The following LRRC8C variants were observed in gnomAD, a reference collection of about 807,000 sequenced individuals.
LRRC8C encodes the protein leucine rich repeat containing 8 VRAC subunit C.
Under a neutral mutation model 55.3 loss-of-function variants are expected in LRRC8C, and 20 were observed. The ratio of observed to expected loss-of-function variants is 0.36; its 90% CI spans 0.25 to 0.53. The LOEUF (loss-of-function observed/expected upper bound fraction) is 0.53. LRRC8C is among the 20% of genes least tolerant of loss of function. The pLI, the probability that LRRC8C is intolerant of heterozygous loss-of-function variation, is 0.92. For synonymous variants in LRRC8C, 376 were observed against 360.7 expected (o/e 1.04, Z -0.48); for missense variants, 659 against 951.4 (o/e 0.69, Z 4.04).
intron 1 of LRRC8C, among the ~76,000 whole-genome samples, chr1:89,651,180 A>G (rs1189499073): frequency 2.0e-5 from 3 of 152,200 alleles, no homozygotes; most frequent in Non-Finnish European, 4.4e-5. Context: ...GCTGTGGCCC[A>G]TGCATTTTGA....
Position 89,714,461 on chromosome 1 carries a change from G to A in LRRC8C, c.1891G>A (p.Val631Ile), listed in dbSNP as rs369412861. 9.2e-5 allele frequency: 148 copies of A among 1,614,002 alleles called. 1 individual carries two copies. The highest frequency in any genetic ancestry group is 5.7e-4 in the Admixed American group (34 of 59,998). Reference protein sequence around the residue: ...ENNLKSIEEIVSFQHLRKLTV... With the variant: ...ENNLKSIEEIISFQHLRKLTV... ...CAATCTGAAATCTATAGAAGAAATC[G>A]TTAGCTTTCAGCACTTAAGAAAGTT... Residue 631 changes from valine (V) to isoleucine (I), a missense_variant, in exon 3 of 3, where the codon GTT becomes ATT. Physicochemically the swap from Val to Ile is conservative, Grantham distance 29. Around this residue, in one of 5 missense-constraint regions of LRRC8C, gnomAD observed 344 missense variants for 464.6 expected, o/e 0.74. Transcript: ENST00000370454. This position sits in a 1 kb window ranked among gnomAD's most constrained non-coding sequence, Gnocchi z 4.6.
intron 1 of LRRC8C, among the ~76,000 whole-genome samples, chr1:89,660,382 A>C (rs1657082664): frequency 2.0e-5 from 3 of 152,166 alleles, no homozygotes; most frequent in Admixed American, 2.0e-4. Flanking sequence ...CCTCTAAAAC[A>C]AAACAAAACA....
intron 1 of LRRC8C, among the ~76,000 whole-genome samples, chr1:89,645,200 AT>A (rs1183529872): frequency 2.6e-5 from 4 of 152,228 alleles, no homozygotes; most frequent in African/African-American, 9.6e-5. Flanking sequence ...AATGGAAATT[AT>A]AAAAAACAGT....
upstream of LRRC8C, among the ~76,000 whole-genome samples, chr1:89,628,660 G>A (rs182660745): frequency 3.8e-4 from 58 of 152,350 alleles, no homozygotes; most frequent in Non-Finnish European, 7.6e-4. Flanking sequence ...AGCAAGGCCT[G>A]TCTGTTCAGA....
At chr1:89,677,848 A>G (rs1657592293) in intron 1 of LRRC8C, among the ~76,000 whole-genome samples, 1 of 152,250 alleles carries the variant, frequency 6.6e-6, no homozygotes, top group Admixed American at 6.5e-5. Context: ...CTGTACAATA[A>G]AACACAATCT....
the LRRC8C span, among the ~76,000 whole-genome samples, chr1:89,623,253 A>C: frequency 6.6e-6 from 1 of 152,112 alleles, no homozygotes; most frequent in African/African-American, 2.4e-5. Context: ...TTTTTAAATA[A>C]TTTTTCAAAA....
chr1:89,655,906 CT>C (rs1656930386), intron 1 of LRRC8C, among the ~76,000 whole-genome samples: 1 of 152,220 alleles, frequency 6.6e-6, no homozygotes, highest in Non-Finnish European at 1.5e-5. Context: ...TTGAGTTCAT[CT>C]TTTCTGTTTA....
At chr1:89,653,145 T>C (rs937933478) in intron 1 of LRRC8C, among the ~76,000 whole-genome samples, 2 of 152,204 alleles carry the variant, frequency 1.3e-5, no homozygotes, top group African/African-American at 2.4e-5. Flanking sequence ...GGCTGTGGTA[T>C]AGAGCAATCA....
chr1:89,622,427 G>C, the LRRC8C span, among the ~76,000 whole-genome samples: 1 of 151,200 alleles, frequency 6.6e-6, no homozygotes, highest in South Asian at 2.1e-4. Context: ...CCGCCTCCTG[G>C]GTTCACGCCA....
chr1:89,658,561 A>AG (rs1361422668), intron 1 of LRRC8C, among the ~76,000 whole-genome samples: 1 of 152,302 alleles, frequency 6.6e-6, no homozygotes, highest in Middle Eastern at 3.4e-3. Flanking sequence ...CCTCATTTTA[A>AG]GGAAGATTAT....
chr1:89,713,155 G>A lies in LRRC8C; in HGVS notation c.585G>A (p.Arg195=). Residue 195 remains arginine, a synonymous_variant, in exon 3 of 3, where the codon AGG becomes AGA. Coordinates refer to ENST00000370454, the MANE Select transcript of LRRC8C (RefSeq NM_032270.5). This position sits in a 1 kb window ranked among gnomAD's most constrained non-coding sequence, Gnocchi z 5.2. ...EKDNRKNNMN[R]SNTIQSGPED... ...ACAACAGGAAGAACAACATGAACAGGTCCAACACCATCCAATCTGGTCCAG... is the reference window on the plus strand; with the variant it reads ...ACAACAGGAAGAACAACATGAACAGATCCAACACCATCCAATCTGGTCCAG... The A allele has an allele frequency of 6.2e-7, 1 of 1,614,138 alleles. No homozygotes were observed. Among genetic ancestry groups the A allele is most frequent in the Non-Finnish European group, 8.5e-7 (1 of 1,180,026 alleles).
intron 2 of LRRC8C, among the ~76,000 whole-genome samples, chr1:89,709,794 C>T (rs1351820759): frequency 1.3e-5 from 2 of 150,806 alleles, no homozygotes; most frequent in East Asian, 1.9e-4. Flanking sequence ...CTCTGTCGCC[C>T]AGGCTGGAGT....
intron 1 of LRRC8C, among the ~76,000 whole-genome samples, chr1:89,686,134 T>G (rs1157758063): frequency 6.6e-6 from 1 of 152,112 alleles, no homozygotes; most frequent in African/African-American, 2.4e-5. Context: ...AGCTCTAGTC[T>G]TTCTGGCATC....
At chr1:89,620,621 A>G in the LRRC8C span, among the ~76,000 whole-genome samples, 27 of 152,144 alleles carry the variant, frequency 1.8e-4, no homozygotes, top group African/African-American at 6.5e-4. Flanking sequence ...TACTGGGTCT[A>G]CAGAAATTCA....
At chr1:89,623,489 G>A in the LRRC8C span, among the ~76,000 whole-genome samples, 1 of 152,186 alleles carries the variant, frequency 6.6e-6, no homozygotes, top group African/African-American at 2.4e-5. Flanking sequence ...TTGGGAGGCT[G>A]AAGTGGGCAG....
At chr1:89,705,857 TTAA>T (rs1317725812) in intron 2 of LRRC8C, among the ~76,000 whole-genome samples, 1 of 151,634 alleles carries the variant, frequency 6.6e-6, no homozygotes, top group Non-Finnish European at 1.5e-5. Flanking sequence ...CAGACATAAC[TTAA>T]TAATGCACAA....
At chr1:89,630,917 A>G (rs1229845338), upstream of LRRC8C, among the ~76,000 whole-genome samples, 2 of 152,196 alleles carry the variant, frequency 1.3e-5, no homozygotes, top group African/African-American at 4.8e-5. Flanking sequence ...AGTGGCTTTC[A>G]AGCATTAATG....
intron 2 of LRRC8C, among the ~76,000 whole-genome samples, chr1:89,691,195 C>T (rs911236555): frequency 6.6e-6 from 1 of 152,140 alleles, no homozygotes; most frequent in African/African-American, 2.4e-5. Flanking sequence ...CAATGTTTTC[C>T]AATATGTAAA....
At chr1:89,640,526 A>G (rs959255363) in intron 1 of LRRC8C, among the ~76,000 whole-genome samples, 3 of 152,248 alleles carry the variant, frequency 2.0e-5, no homozygotes, top group Non-Finnish European at 4.4e-5. Flanking sequence ...CTGTAGAGAA[A>G]TTACTATGAG....
Sources: allele counts gnomAD v4.1 joint callset (sites outside exome capture counted in the v4.1 genomes callset), GRCh38; gene constraint gnomAD v4.1.1; regional missense constraint gnomAD v4.1.1; non-coding constraint Gnocchi (gnomAD v3.1); transcripts MANE v1.5; gene names NCBI Gene and HGNC (gene_info 2026-07-23, HGNC 2026-07-21).